Variants in ADSL observed in about 807,000 individuals in gnomAD.
ADSL encodes adenylosuccinase.
Under a neutral mutation model 62.1 loss-of-function variants are expected in ADSL, and 44 were observed. The ratio of observed to expected loss-of-function variants is 0.71; its 90% CI spans 0.56 to 0.91. The LOEUF (loss-of-function observed/expected upper bound fraction) is 0.91, where lower values mean the gene tolerates loss of function less well. ADSL is among the 40% of genes least tolerant of loss of function. The pLI is 0.00. For synonymous variants in ADSL, 198 were observed against 220.5 expected (o/e 0.90, Z 0.90); for missense variants, 531 against 627.4 (o/e 0.85, Z 1.64).
chr22:40,378,608 C>T (rs1173012530), intron 2 of ADSL, among the ~76,000 whole-genome samples: 1 of 151,714 alleles, frequency 6.6e-6, no homozygotes, highest in Non-Finnish European at 1.5e-5. Context: ...TGGCGCATGC[C>T]TGTAATCCCA....
intron 2 of ADSL, among the ~76,000 whole-genome samples, chr22:40,351,216 G>A (rs1388413535): frequency 6.6e-6 from 1 of 151,678 alleles, no homozygotes; most frequent in East Asian, 1.9e-4. Context: ...TGTTGCCCAG[G>A]CTGGAGTGCA....
chr22:40,359,420 C>G, intron 6 of ADSL, 114 bp downstream of exon 6: 3 of 974,196 alleles, frequency 3.1e-6, no homozygotes. Flanking sequence ...TGTTCTTCTA[C>G]CCATTTTTTT....
At chr22:40,372,381 TC>T (rs912313534), downstream of ADSL, among the ~76,000 whole-genome samples, 2 of 152,060 alleles carry the variant, frequency 1.3e-5, no homozygotes, top group African/African-American at 4.8e-5. Flanking sequence ...CGCCTCGGCC[TC>T]CCAAAGTGCT....
At chr22:40,369,858 C>A (rs1443677650), downstream of ADSL, among the ~76,000 whole-genome samples, 1 of 152,154 alleles carries the variant, frequency 6.6e-6, no homozygotes, top group African/African-American at 2.4e-5. Flanking sequence ...ACACTTAATG[C>A]CCTCTTTCCC....
chr22:40,359,212 C>T (rs377555022), intron 5 of ADSL, 48 bp from the exon 6 acceptor site: 142 of 1,608,408 alleles, frequency 8.8e-5, no homozygotes, highest in Non-Finnish European at 4.3e-5. Flanking sequence ...GAGGCATTCT[C>T]ACACTGGACA....
intron 6 of ADSL, among the ~76,000 whole-genome samples, chr22:40,360,146 C>G (rs1413791769): frequency 6.6e-6 from 1 of 152,164 alleles, no homozygotes; most frequent in Non-Finnish European, 1.5e-5. Context: ...CACTCAGGTC[C>G]ACTGGTTGAG....
intron 10 of ADSL, among the ~76,000 whole-genome samples, chr22:40,363,620 G>A (rs1209234515): frequency 1.3e-5 from 2 of 151,334 alleles, no homozygotes; most frequent in Non-Finnish European, 2.9e-5. Flanking sequence ...CCTGTAATCC[G>A]AGCTACTCGG....
At chr22:40,349,021 A>G (rs1329685342) in intron 1 of ADSL, 21 of 156,294 alleles carry the variant, frequency 1.3e-4, no homozygotes, top group Admixed American at 2.6e-4. Flanking sequence ...TGGCAAAACT[A>G]CTTACAGAAT....
downstream of ADSL, among the ~76,000 whole-genome samples, chr22:40,371,028 C>CG (rs2045338280): frequency 1.3e-5 from 2 of 152,194 alleles, no homozygotes; most frequent in African/African-American, 4.8e-5. Context: ...GCGCCTGAGG[C>CG]GGGGGGCTTT....
At chr22:40,365,878 A>G (rs35401769) in intron 12 of ADSL, among the ~76,000 whole-genome samples, 1 of 152,006 alleles carries the variant, frequency 6.6e-6, no homozygotes, top group African/African-American at 2.4e-5. Context: ...TAAAAAAAAT[A>G]CAAAGATGAA....
downstream of ADSL, among the ~76,000 whole-genome samples, chr22:40,370,354 CAAAAAA>C (rs11328048): frequency 2.3e-5 from 2 of 86,378 alleles, no homozygotes; most frequent in African/African-American, 4.5e-5. Context: ...GACTCCATCT[CAAAAAA>C]AAAAAAAAAA....
intron 3 of ADSL, among the ~76,000 whole-genome samples, chr22:40,353,621 C>CTTT (rs772788908): frequency 6.9e-4 from 79 of 114,750 alleles, no homozygotes; most frequent in Admixed American, 8.6e-4. Flanking sequence ...AAAGCATAGC[C>CTTT]TTTTTTTTTT....
intron 2 of ADSL, among the ~76,000 whole-genome samples, chr22:40,377,630 G>A (rs1042138849): frequency 2.0e-5 from 3 of 152,234 alleles, no homozygotes; most frequent in African/African-American, 7.2e-5. Flanking sequence ...GGGCTAAGGA[G>A]TTTGAGACCC....
At chr22:40,380,762 CCT>C (rs2047439826) in intron 2 of ADSL, among the ~76,000 whole-genome samples, 1 of 151,946 alleles carries the variant, frequency 6.6e-6, no homozygotes, top group Admixed American at 6.6e-5. Context: ...ATAGTAAGAC[CCT>C]CTCTACAACA....
chr22:40,354,570 A>G (rs1412364759), intron 4 of ADSL, among the ~76,000 whole-genome samples: 1 of 152,210 alleles, frequency 6.6e-6, no homozygotes, highest in Non-Finnish European at 1.5e-5. Flanking sequence ...GATAGTAAAC[A>G]TTAGAAACAA....
chr22:40,380,754 A>T (rs1037017784), intron 2 of ADSL, among the ~76,000 whole-genome samples: 1 of 152,146 alleles, frequency 6.6e-6, no homozygotes, highest in Non-Finnish European at 1.5e-5. Flanking sequence ...TGGGCAACAT[A>T]GTAAGACCCT....
chr22:40,369,714 C>T (rs1253775858), downstream of ADSL, among the ~76,000 whole-genome samples: 3 of 151,886 alleles, frequency 2.0e-5, no homozygotes, highest in Non-Finnish European at 2.9e-5. Context: ...TCTGTTAACC[C>T]AGGCTGTTGT....
At chr22:40,357,988 C>T (rs1433777283) in intron 4 of ADSL, among the ~76,000 whole-genome samples, 1 of 151,812 alleles carries the variant, frequency 6.6e-6, no homozygotes, top group African/African-American at 2.4e-5. Flanking sequence ...CTGTTGGCCA[C>T]GCTGGTCTCG....
intron 4 of ADSL, among the ~76,000 whole-genome samples, chr22:40,355,929 G>A (rs2044535658): frequency 6.6e-6 from 1 of 151,192 alleles, no homozygotes. Flanking sequence ...GCTCATGCCT[G>A]TAATCCCAGC....
Sources: gnomAD v4.1 joint callset for allele counts (sites outside exome capture counted in the v4.1 genomes callset) on GRCh38, gnomAD v4.1.1 for gene constraint, MANE v1.5 for transcripts, NCBI Gene and HGNC (gene_info 2026-07-23, HGNC 2026-07-21) for gene names.